SLC35D4: variants seen among roughly 807,000 people sequenced by gnomAD.
SLC35D4 encodes the protein solute carrier family 35 member D4, also known as UDP-N-acetylglucosamine transporter SLC35D4.
chr18:23,319,479 C>G, the SLC35D4 span, among the ~76,000 whole-genome samples: 2 of 150,078 alleles, frequency 1.3e-5, no homozygotes, highest in South Asian at 4.2e-4. Flanking sequence ...GTTTCGCTCT[C>G]GTTGCCCAGG....
At chr18:23,366,494 G>T in the SLC35D4 span, among the ~76,000 whole-genome samples, 1 of 152,206 alleles carries the variant, frequency 6.6e-6, no homozygotes, top group African/African-American at 2.4e-5. Context: ...CTAAACCCTG[G>T]CTGCATATCA....
the SLC35D4 span, among the ~76,000 whole-genome samples, chr18:23,287,304 A>G: frequency 2.9e-3 from 430 of 150,628 alleles, 4 homozygotes; most frequent in African/African-American, 9.8e-3. Context: ...GATCTCAAAC[A>G]TGCTTTCTTT....
the SLC35D4 span, among the ~76,000 whole-genome samples, chr18:23,248,691 G>A: frequency 6.6e-6 from 1 of 152,026 alleles, no homozygotes; most frequent in Non-Finnish European, 1.5e-5. Context: ...TGGGTGTGGT[G>A]GCGCATGCCT....
chr18:23,291,738 C>A, the SLC35D4 span, among the ~76,000 whole-genome samples: 17 of 152,360 alleles, frequency 1.1e-4, no homozygotes, highest in African/African-American at 4.1e-4. Context: ...CACATAGCAC[C>A]ATTTCCATCA....
chr18:23,352,514 T>A, the SLC35D4 span, among the ~76,000 whole-genome samples: 1 of 152,142 alleles, frequency 6.6e-6, no homozygotes, highest in Non-Finnish European at 1.5e-5. Context: ...ATTAGAGGAA[T>A]GGTGCAAAGA....
chr18:23,371,769 G>T, the SLC35D4 span, among the ~76,000 whole-genome samples: 3 of 151,598 alleles, frequency 2.0e-5, no homozygotes, highest in Non-Finnish European at 2.9e-5. Context: ...CCCTCTGGTT[G>T]TATGTACCCC....
the SLC35D4 span, among the ~76,000 whole-genome samples, chr18:23,363,066 GA>G: frequency 2.0e-5 from 3 of 151,874 alleles, no homozygotes; most frequent in African/African-American, 7.3e-5. Context: ...CCAATGTGGT[GA>G]AACTCCGTCT....
the SLC35D4 span, among the ~76,000 whole-genome samples, chr18:23,279,571 T>C: frequency 6.6e-6 from 1 of 151,804 alleles, no homozygotes; most frequent in Non-Finnish European, 1.5e-5. Context: ...AACCTAGTTC[T>C]ATGAAGGGGA....
At chr18:23,292,550 A>C in the SLC35D4 span, among the ~76,000 whole-genome samples, 8 of 152,332 alleles carry the variant, frequency 5.3e-5, no homozygotes, top group South Asian at 8.3e-4. Flanking sequence ...ATCACCTCAG[A>C]GATGTGAGGA....
chr18:23,405,390 A>G, the SLC35D4 span, among the ~76,000 whole-genome samples: 134 of 152,170 alleles, frequency 8.8e-4, no homozygotes, highest in African/African-American at 3.0e-3. Flanking sequence ...GCGTTTCACC[A>G]TGTTGGTCAG....
chr18:23,321,742 A>T, the SLC35D4 span, among the ~76,000 whole-genome samples: 5 of 152,198 alleles, frequency 3.3e-5, no homozygotes, highest in Non-Finnish European at 7.3e-5. Flanking sequence ...GGTGTGAGCC[A>T]CCACACCTGG....
At chr18:23,245,503 C>CA in the SLC35D4 span, among the ~76,000 whole-genome samples, 6,802 of 94,454 alleles carry the variant, frequency 0.072, 205 homozygotes, top group Middle Eastern at 0.14. Flanking sequence ...CATCCTGTCT[C>CA]AAAAAAAAAA....
chr18:23,256,752 T>G, the SLC35D4 span, among the ~76,000 whole-genome samples: 1 of 152,206 alleles, frequency 6.6e-6, no homozygotes, highest in Non-Finnish European at 1.5e-5. Flanking sequence ...CCCAAGGTGC[T>G]GGGATGACAG....
chr18:23,273,470 G>C, the SLC35D4 span, among the ~76,000 whole-genome samples: 1 of 152,160 alleles, frequency 6.6e-6, no homozygotes, highest in Non-Finnish European at 1.5e-5. Context: ...AGTTTGAAGA[G>C]TAAAAAGTGT....
the SLC35D4 span, among the ~76,000 whole-genome samples, chr18:23,333,456 C>T: frequency 5.9e-5 from 9 of 152,248 alleles, no homozygotes; most frequent in South Asian, 2.1e-4. Context: ...TAAAGAAAGA[C>T]GAAATTTAAT....
At chr18:23,415,222 C>G in the SLC35D4 span, among the ~76,000 whole-genome samples, 4 of 152,128 alleles carry the variant, frequency 2.6e-5, no homozygotes, top group African/African-American at 7.2e-5. Flanking sequence ...GAGGTTTTAT[C>G]AAAGATACTT....
At chr18:23,245,989 C>T in the SLC35D4 span, among the ~76,000 whole-genome samples, 15 of 152,310 alleles carry the variant, frequency 9.8e-5, no homozygotes, top group South Asian at 8.3e-4. Flanking sequence ...TGGTCCCGGC[C>T]GGGCACGGTG....
At chr18:23,271,808 G>C in the SLC35D4 span, among the ~76,000 whole-genome samples, 10 of 152,098 alleles carry the variant, frequency 6.6e-5, no homozygotes, top group Admixed American at 3.3e-4. Context: ...CCTACATAAT[G>C]ACGTTTCCAT....
At chr18:23,370,361 A>C in the SLC35D4 span, 1 of 1,188,032 alleles carries the variant, frequency 8.4e-7, no homozygotes. Context: ...AAAGGCTCCC[A>C]AAAGCACGAC....
Sources: allele counts gnomAD v4.1 joint callset (sites outside exome capture counted in the v4.1 genomes callset), GRCh38; gene constraint gnomAD v4.1.1; transcripts MANE v1.5; gene names NCBI Gene and HGNC (gene_info 2026-07-23, HGNC 2026-07-21).